GC: variants seen among roughly 807,000 people sequenced by gnomAD.
The protein encoded by GC is vitamin D-binding protein.
Under a neutral mutation model 56.7 loss-of-function variants are expected in GC, and 43 were observed. The observed-to-expected ratio is 0.76, with a 90% CI of 0.59 to 0.98. GC has a LOEUF of 0.98. GC is among the 50% of genes least tolerant of loss of function. The pLI is 0.00. For missense variants in GC, 529 were observed against 545.9 expected, an observed-to-expected ratio of 0.97 and a Z score of 0.31; for synonymous variants, 216 against 202.7, an observed-to-expected ratio of 1.07 and a Z score of -0.56.
At chr4:71,794,042 G>A (rs1488140761) in intron 1 of GC, among the ~76,000 whole-genome samples, 1 of 152,150 alleles carries the variant, frequency 6.6e-6, no homozygotes, top group African/African-American at 2.4e-5. Context: ...TTGATGTGCT[G>A]CTGGATTTGG....
At chr4:71,787,533 G>A (rs1327069024), upstream of GC, among the ~76,000 whole-genome samples, 1 of 151,838 alleles carries the variant, frequency 6.6e-6, no homozygotes, top group African/African-American at 2.4e-5. Flanking sequence ...GATCTACATG[G>A]CTCTTCCCCT....
At chr4:71,804,719 G>A (rs113387725), upstream of GC, among the ~76,000 whole-genome samples, 16,215 of 152,120 alleles carry the variant, frequency 0.11, 1,118 homozygotes, top group East Asian at 0.23. Context: ...AAAGTAATGG[G>A]TTCATATACC....
At chr4:71,801,276 A>G (rs951111281) in intron 1 of GC, among the ~76,000 whole-genome samples, 1 of 152,226 alleles carries the variant, frequency 6.6e-6, no homozygotes, top group African/African-American at 2.4e-5. Flanking sequence ...AAAATGAAAT[A>G]TCGCTTTACA....
At chr4:71,743,520 T>C (rs1741255095) in intron 12 of GC, among the ~76,000 whole-genome samples, 1 of 152,210 alleles carries the variant, frequency 6.6e-6, no homozygotes, top group Non-Finnish European at 1.5e-5. Context: ...ATGACTAGGA[T>C]TGTGTTATTT....
In GC at chr4:71,752,539, A is replaced by G. The variant is rs533350908; in HGVS notation, c.1374T>C (p.Pro458=). The change falls in exon 11 of 13, where the codon CCT becomes CCC. Residue 458 remains proline, a synonymous_variant. Coordinates refer to ENST00000273951, the MANE Select transcript of GC (RefSeq NM_000583.4). The part of the protein sequence containing the change: ...FASNCCSINS[P]PLYCDSEIDA... ...CTACCTCTGAATCACAGTAAAGAGG[A>G]GGTGAGTTTATGGAACAGCAGTTGG... 1.2e-6 allele frequency: 2 copies of G among 1,613,196 alleles called. No homozygotes were observed. The highest frequency in any genetic ancestry group is 1.1e-5 in the South Asian group (1 of 90,966).
At chr4:71,769,044 C>T (rs1474137751) in intron 2 of GC, among the ~76,000 whole-genome samples, 1 of 152,166 alleles carries the variant, frequency 6.6e-6, no homozygotes, top group Non-Finnish European at 1.5e-5. Context: ...CTAGAATGTA[C>T]AATTGCATTT....
At chr4:71,802,153 A>G (rs576957506) in intron 1 of GC, among the ~76,000 whole-genome samples, 3 of 152,316 alleles carry the variant, frequency 2.0e-5, no homozygotes, top group South Asian at 4.1e-4. Flanking sequence ...TGTGAATAGC[A>G]TCATTAATTT....
At chr4:71,774,391 A>G (rs1269766507) in intron 1 of GC, among the ~76,000 whole-genome samples, 1 of 152,010 alleles carries the variant, frequency 6.6e-6, no homozygotes, top group Non-Finnish European at 1.5e-5. Context: ...CCTTTGTGAC[A>G]CTTACCAAAG....
chr4:71,755,415 G>A (rs866426372), intron 8 of GC, among the ~76,000 whole-genome samples: 1 of 151,906 alleles, frequency 6.6e-6, no homozygotes, highest in Non-Finnish European at 1.5e-5. Context: ...CGCCTGACTC[G>A]GCCTGCCAAA....
At chr4:71,778,520 T>C (rs1742577251) in intron 1 of GC, among the ~76,000 whole-genome samples, 1 of 151,896 alleles carries the variant, frequency 6.6e-6, no homozygotes, top group South Asian at 2.1e-4. Context: ...TCAGCTCCAG[T>C]TCATCATTGC....
intron 6 of GC, among the ~76,000 whole-genome samples, chr4:71,761,144 T>A (rs222005): frequency 0.087 from 13,214 of 152,170 alleles, 651 homozygotes; most frequent in Non-Finnish European, 0.1. Flanking sequence ...TGAATGGCTT[T>A]GCCCAAAATG....
intron 1 of GC, among the ~76,000 whole-genome samples, chr4:71,803,169 T>C (rs1167496626): frequency 6.6e-6 from 1 of 152,206 alleles, no homozygotes; most frequent in Non-Finnish European, 1.5e-5. Context: ...GTTATTTTAC[T>C]TCTTCCTCTG....
intron 1 of GC, among the ~76,000 whole-genome samples, chr4:71,798,964 T>C (rs1383180170): frequency 6.6e-6 from 1 of 152,232 alleles, no homozygotes; most frequent in East Asian, 1.9e-4. Flanking sequence ...TTTTAAAGTA[T>C]GAAATTCAAT....
intron 9 of GC, 92 bp from the exon 10 acceptor site, chr4:71,754,600 T>G: frequency 1.4e-6 from 1 of 736,156 alleles, no homozygotes; most frequent in African/African-American, 1.8e-5. Context: ...TATTGTATCA[T>G]TAAGCATTGG....
chr4:71,758,302 A>G, intron 6 of GC, 131 bp from the exon 7 acceptor site: 1 of 708,806 alleles, frequency 1.4e-6, no homozygotes, highest in South Asian at 1.8e-5. Context: ...ATGGGAGCAC[A>G]TCTGCCATGC....
chr4:71,750,685 G>C (rs1335500355), intron 11 of GC, among the ~76,000 whole-genome samples: 1 of 152,102 alleles, frequency 6.6e-6, no homozygotes, highest in African/African-American at 2.4e-5. Context: ...AGGAGTTCCA[G>C]ATCAGCCTGG....
Position 71,771,477 on chromosome 4 carries a change from C to T in GC, c.59-2077G>A, listed in dbSNP as rs542272723. 6.8e-4 allele frequency among the ~76,000 whole-genome samples: 104 copies of T among 152,008 alleles called. 1 individual carries two copies. The highest frequency in any genetic ancestry group is 2.2e-3 in the Admixed American group (33 of 15,222). On this transcript the variant is annotated intron_variant, in intron 1 of 12. Coordinates refer to ENST00000273951, the MANE Select transcript of GC (RefSeq NM_000583.4). ...AAAATATTTTTGAGGTGAGAAAAGT[C>T]GGATTTGATAATTGTGAGAAAAAGA...
chr4:71,768,343 G>A lies in GC; in HGVS notation c.219C>T (p.Ala73=), dbSNP rs139171335. 1.3e-4 allele frequency: 212 copies of A among 1,613,330 alleles called. No individual in the cohort carries two copies. The highest frequency in any genetic ancestry group is 1.7e-4 in the Non-Finnish European group (200 of 1,179,694). Reference sequence around the variant, plus strand: ...CAGGGTCAGCCCCTTCCGCACAGCAGGCTTCGGTCAAGGAGACAACTTCCT... The same window carrying A: ...CAGGGTCAGCCCCTTCCGCACAGCAAGCTTCGGTCAAGGAGACAACTTCCT... The part of the protein sequence containing the change: ...LVKEVVSLTE[A]CCAEGADPDC... Residue 73 remains alanine (A), a synonymous_variant, in exon 3 of 13, where the codon GCC becomes GCT. Coordinates refer to ENST00000273951, the MANE Select transcript of GC (RefSeq NM_000583.4).
intron 2 of GC, among the ~76,000 whole-genome samples, 186 bp from the exon 3 acceptor site, chr4:71,768,619 A>G (rs1326431263): frequency 1.3e-5 from 2 of 151,980 alleles, no homozygotes; most frequent in Admixed American, 1.3e-4. Flanking sequence ...GTGTGCACCA[A>G]TACGCCCGGC....
Sources: allele counts gnomAD v4.1 joint callset (sites outside exome capture counted in the v4.1 genomes callset), GRCh38; gene constraint gnomAD v4.1.1; transcripts MANE v1.5; gene names NCBI Gene and HGNC (gene_info 2026-07-23, HGNC 2026-07-21).